PRUNE2: variants seen among roughly 807,000 people sequenced by gnomAD.
PRUNE2 encodes prune homolog 2 with BCH domain.
Under a neutral mutation model 252.0 loss-of-function variants are expected in PRUNE2, and 164 were observed. The observed-to-expected ratio is 0.65, with a 90% CI of 0.57 to 0.74. The LOEUF (loss-of-function observed/expected upper bound fraction) is 0.74. Ranked by LOEUF, PRUNE2 falls within the 30% of genes least tolerant of loss-of-function variation. The probability of loss-of-function intolerance (pLI) is 0.00; values close to 1 mark genes in which losing one functional copy is unlikely to be tolerated. For missense variants in PRUNE2, 3,495 were observed against 3,711.0 expected (o/e 0.94, Z 1.51); for synonymous variants, 1,292 against 1,350.2 (o/e 0.96, Z 0.94).
chr9:76,678,985 C>G (rs2043121541), intron 9 of PRUNE2, among the ~76,000 whole-genome samples: 1 of 152,212 alleles, frequency 6.6e-6, no homozygotes, highest in Non-Finnish European at 1.5e-5. Flanking sequence ...CTGAACTGCT[C>G]TGTGGTATTT....
At position 76,853,991 on chromosome 9, in the gene PRUNE2, T is replaced by C. The variant is rs571909596; in HGVS notation, c.141+113A>G. 1.4e-4 allele frequency: 75 copies of C among 547,218 alleles called. No homozygotes were observed. In the African/African-American group the frequency reaches 1.4e-3, roughly 10 times the overall value. The allele number at this position is 547,218 out of a possible 1,614,324, so 33.9% of individuals were successfully genotyped here. Reference sequence around the variant, plus strand: ...TAATACTTTATACTCTGCAACAATATATCAGAACATTAAAAATTAAGTTAA... The same window carrying C: ...TAATACTTTATACTCTGCAACAATACATCAGAACATTAAAAATTAAGTTAA... On this transcript the variant is annotated intron_variant, in intron 2 of 18. Transcript: ENST00000376718.
chr9:76,827,148 C>G (rs2058389806), intron 4 of PRUNE2, among the ~76,000 whole-genome samples: 1 of 152,156 alleles, frequency 6.6e-6, no homozygotes, highest in East Asian at 1.9e-4. Flanking sequence ...ACTGTTTCCA[C>G]TCATTATATT....
intron 6 of PRUNE2, among the ~76,000 whole-genome samples, chr9:76,815,735 A>G (rs138698966): frequency 1.2e-3 from 188 of 152,334 alleles, no homozygotes; most frequent in African/African-American, 4.3e-3. Flanking sequence ...TTATTTACAG[A>G]GAATCATAAC....
chr9:76,761,699 A>G (rs898019787), intron 6 of PRUNE2, among the ~76,000 whole-genome samples: 2 of 152,248 alleles, frequency 1.3e-5, no homozygotes, highest in African/African-American at 4.8e-5. Flanking sequence ...ACTGGAAAAC[A>G]TACATAATTT....
rs1411950866 is a variant in PRUNE2, at chr9:76,846,523, C to T, written c.500G>A (p.Arg167His). 1.9e-6 allele frequency: 3 copies of T among 1,612,930 alleles called. No homozygotes were observed. Among genetic ancestry groups the T allele is most frequent in the Non-Finnish European group, 1.7e-6 (2 of 1,179,386 alleles). The change falls in exon 4 of 19, where the codon CGC becomes CAC. Residue 167 changes from arginine (R) to histidine (H), a missense_variant. By Grantham distance (29) the Arg-to-His change is conservative. Transcript: ENST00000376718. Reference sequence around the variant, plus strand: ...GAAGAGCCATCTCTCACCTCTGAGGCGATGAGCCAGTTGCTCGGTGATGAG... The same window carrying T: ...GAAGAGCCATCTCTCACCTCTGAGGTGATGAGCCAGTTGCTCGGTGATGAG... ...PELITEQLAHRLRGSILFKWM... is the reference protein window; with the variant it reads ...PELITEQLAHHLRGSILFKWM...
intron 15 of PRUNE2, 136 bp downstream of exon 15, chr9:76,636,335 A>G (rs1840050905): frequency 4.8e-6 from 3 of 618,658 alleles, no homozygotes; most frequent in Non-Finnish European, 8.6e-6. Context: ...AGTCCAAAGC[A>G]CCTTTCTAGG....
intron 1 of PRUNE2, among the ~76,000 whole-genome samples, chr9:76,900,403 G>A (rs1418435054): frequency 1.3e-5 from 2 of 152,164 alleles, no homozygotes; most frequent in Non-Finnish European, 2.9e-5. Context: ...CTCTGAAGAA[G>A]AAAGACTTCC....
chr9:76,856,779 A>G (rs1365743255), intron 1 of PRUNE2, among the ~76,000 whole-genome samples: 2 of 150,454 alleles, frequency 1.3e-5, no homozygotes, highest in Middle Eastern at 3.4e-3. Flanking sequence ...TCCAAGATGG[A>G]GTCTCGCTCT....
intron 10 of PRUNE2, among the ~76,000 whole-genome samples, chr9:76,653,835 G>A (rs1848304403): frequency 6.6e-6 from 1 of 152,146 alleles, no homozygotes; most frequent in Admixed American, 6.5e-5. Context: ...ACAATCTTAT[G>A]TGTAGGCTCC....
Position 76,866,106 on chromosome 9 carries a change from C to A in PRUNE2, c.37-11898G>T, listed in dbSNP as rs567593711. 3.9e-5 allele frequency among the ~76,000 whole-genome samples: 6 copies of A among 152,274 alleles called. No homozygotes were observed. In the South Asian group the frequency reaches 1.2e-3, roughly 32 times the overall value. On this transcript the variant is annotated intron_variant, in intron 1 of 18. Transcript: ENST00000376718. ...TGTACAGGTACACTATTGAACTCTA[C>A]CAAAACATGACTTGCTATTAGTACA...
intron 6 of PRUNE2, among the ~76,000 whole-genome samples, chr9:76,736,271 C>A (rs1178879086): frequency 6.6e-6 from 1 of 151,836 alleles, no homozygotes; most frequent in African/African-American, 2.4e-5. Flanking sequence ...TGAAAAAAAA[C>A]CACATAAAGT....
At chr9:76,624,745 T>C (rs1014120177) in intron 16 of PRUNE2, among the ~76,000 whole-genome samples, 46 of 152,220 alleles carry the variant, frequency 3.0e-4, no homozygotes, top group Non-Finnish European at 5.3e-4. Flanking sequence ...AGAAACATGC[T>C]GGCTGAATAA....
chr9:76,832,307 T>C (rs2058713833), intron 4 of PRUNE2, among the ~76,000 whole-genome samples: 1 of 152,136 alleles, frequency 6.6e-6, no homozygotes, highest in South Asian at 2.1e-4. Context: ...TGGTGGACTA[T>C]ACTTTCTTTT....
At chr9:76,642,448 G>A (rs1842990979) in intron 12 of PRUNE2, among the ~76,000 whole-genome samples, 1 of 152,212 alleles carries the variant, frequency 6.6e-6, no homozygotes, top group South Asian at 2.1e-4. Context: ...TCAACAGGTA[G>A]GACACCTGGC....
intron 9 of PRUNE2, among the ~76,000 whole-genome samples, chr9:76,671,208 AGGAGCTGAT>A (rs1241590287): frequency 1.4e-5 from 2 of 145,114 alleles, no homozygotes; most frequent in East Asian, 4.1e-4. Flanking sequence ...AAGTGCTTAA[AGGAGCTGAT>A]GGAGCTGAAA....
chr9:76,807,949 G>A (rs924981284), intron 6 of PRUNE2, among the ~76,000 whole-genome samples: 10 of 152,100 alleles, frequency 6.6e-5, no homozygotes, highest in African/African-American at 1.4e-4. Flanking sequence ...AGGCTGAGGC[G>A]GGTGGATCAC....
intron 6 of PRUNE2, among the ~76,000 whole-genome samples, chr9:76,722,209 C>T (rs1432123862): frequency 6.6e-6 from 1 of 150,968 alleles, no homozygotes; most frequent in African/African-American, 2.5e-5. Flanking sequence ...CAGGCGTGTG[C>T]CACCACACCC....
chr9:76,625,002 T>C (rs1195593341), intron 16 of PRUNE2: 1 of 1,297,694 alleles, frequency 7.7e-7, no homozygotes, highest in Non-Finnish European at 1.0e-6. Flanking sequence ...CCAGCATGAA[T>C]AGGAGATCAG....
At chr9:76,828,722 G>C (rs1203627311) in intron 4 of PRUNE2, among the ~76,000 whole-genome samples, 1 of 152,084 alleles carries the variant, frequency 6.6e-6, no homozygotes, top group Non-Finnish European at 1.5e-5. Context: ...ATACTATAAA[G>C]ATTATTTTTC....
Sources: allele counts gnomAD v4.1 joint callset (sites outside exome capture counted in the v4.1 genomes callset), GRCh38; gene constraint gnomAD v4.1.1; transcripts MANE v1.5; gene names NCBI Gene and HGNC (gene_info 2026-07-23, HGNC 2026-07-21).